The following ADAM12 variants were observed in gnomAD, a reference collection of about 807,000 sequenced individuals.
ADAM12 encodes disintegrin and metalloproteinase domain-containing protein 12.
A neutral mutation model predicts 106.4 loss-of-function variants in ADAM12; 70 were observed. That is an observed-to-expected ratio of 0.66 (90% confidence interval 0.54 to 0.80). ADAM12 has a LOEUF of 0.80. Ranked by LOEUF, ADAM12 falls within the 30% of genes least tolerant of loss-of-function variation. The probability of loss-of-function intolerance (pLI) is 0.00; values close to 1 mark genes in which losing one functional copy is unlikely to be tolerated. For missense variants in ADAM12, 1,010 were observed against 1,171.9 expected (o/e 0.86, Z 2.02); for synonymous variants, 420 against 433.5 (o/e 0.97, Z 0.39).
intron 1 of ADAM12, among the ~76,000 whole-genome samples, chr10:126,345,720 AG>A (rs1392720484): frequency 2.6e-5 from 4 of 152,142 alleles, no homozygotes; most frequent in Non-Finnish European, 5.9e-5. Context: ...TGGTCTATTC[AG>A]GGTTTCAACT....
Position 126,066,730 on chromosome 10 carries a change from C to T in ADAM12, c.1400G>A (p.Cys467Tyr). Reference protein sequence around the residue: ...PDAVCAHGLCCEDCQLKPAGT... With the variant: ...PDAVCAHGLCYEDCQLKPAGT... ...CCGGTGACTCACCTGGCAGTCTTCACAGCACAGCCCATGTGCGCACACAGC... is the reference window on the plus strand; with the variant it reads ...CCGGTGACTCACCTGGCAGTCTTCATAGCACAGCCCATGTGCGCACACAGC... The change falls in exon 13 of 23, where the codon TGT (cysteine) becomes TAT (tyrosine). Residue 467 changes from cysteine to tyrosine, a missense_variant. This residue lies in a region of ADAM12 where 615 missense variants were observed against 708.5 expected (regional missense o/e 0.87). Transcript: ENST00000448723. This position sits in a 1 kb window ranked among gnomAD's most constrained non-coding sequence, Gnocchi z 5.1. The T allele has an allele frequency of 6.2e-7, 1 of 1,614,162 alleles. No homozygotes were observed. The highest frequency in any genetic ancestry group is 1.7e-5 in the Admixed American group (1 of 60,032).
At chr10:126,109,895 C>G in intron 6 of ADAM12, 55 bp from the exon 7 acceptor site, 1 of 1,495,038 alleles carries the variant, frequency 6.7e-7, no homozygotes, top group South Asian at 1.2e-5. Flanking sequence ...GGCATTAAGA[C>G]TGTCAATGTC....
intron 5 of ADAM12, among the ~76,000 whole-genome samples, chr10:126,129,644 C>T (rs763606673): frequency 2.6e-5 from 4 of 152,146 alleles, no homozygotes; most frequent in Non-Finnish European, 5.9e-5. Context: ...AGCACTTCAC[C>T]GAAACCGTAT....
intron 3 of ADAM12, among the ~76,000 whole-genome samples, chr10:126,166,043 C>T (rs1957018196): frequency 1.3e-5 from 2 of 152,190 alleles, no homozygotes; most frequent in African/African-American, 4.8e-5. Flanking sequence ...GTTTCACAAA[C>T]TATATTAAAT....
chr10:126,382,815 A>T (rs1856540331), intron 1 of ADAM12, among the ~76,000 whole-genome samples: 1 of 152,238 alleles, frequency 6.6e-6, no homozygotes, highest in Admixed American at 6.5e-5. Context: ...ACAAGTAATG[A>T]CTAACACATT....
At chr10:126,370,096 G>A (rs965431604) in intron 1 of ADAM12, among the ~76,000 whole-genome samples, 2 of 152,198 alleles carry the variant, frequency 1.3e-5, no homozygotes, top group African/African-American at 2.4e-5. Context: ...ATTCTGCCAT[G>A]TTTCTGTGAG....
chr10:126,073,579 A>C (rs577742244), intron 11 of ADAM12, among the ~76,000 whole-genome samples: 1 of 152,098 alleles, frequency 6.6e-6, no homozygotes, highest in Non-Finnish European at 1.5e-5. Context: ...CTTTGCATCC[A>C]TATGTACTCA....
At chr10:126,040,328 A>T (rs778603210) in intron 18 of ADAM12, among the ~76,000 whole-genome samples, 2 of 152,190 alleles carry the variant, frequency 1.3e-5, no homozygotes, top group Non-Finnish European at 2.9e-5. Context: ...GGTGTACTTC[A>T]CATCAGGTAA....
At chr10:126,023,382 T>C (rs1000534766) in intron 21 of ADAM12, among the ~76,000 whole-genome samples, 11 of 151,992 alleles carry the variant, frequency 7.2e-5, no homozygotes, top group African/African-American at 2.7e-4. Flanking sequence ...GTTTTAAGTC[T>C]AAGTGAAAGC....
At chr10:126,216,746 C>A (rs530001980) in intron 3 of ADAM12, among the ~76,000 whole-genome samples, 161 of 152,342 alleles carry the variant, frequency 1.1e-3, no homozygotes, top group Middle Eastern at 6.8e-3. Flanking sequence ...AGGGAGGTGG[C>A]CTCCCTCCCT....
intron 4 of ADAM12, among the ~76,000 whole-genome samples, chr10:126,139,704 A>G (rs545160950): frequency 1.3e-5 from 2 of 152,234 alleles, no homozygotes; most frequent in South Asian, 4.2e-4. Flanking sequence ...GAAGGTTCAG[A>G]TGCAGGAGTG....
chr10:126,187,367 C>T (rs941864485), intron 3 of ADAM12, among the ~76,000 whole-genome samples: 10 of 151,844 alleles, frequency 6.6e-5, no homozygotes, highest in Non-Finnish European at 1.2e-4. Flanking sequence ...AAATACCAAG[C>T]GGCTTTTTGC....
At chr10:126,017,466 C>T (rs1316170565) in intron 22 of ADAM12, 127 bp from the exon 23 acceptor site, 2 of 832,316 alleles carry the variant, frequency 2.4e-6, no homozygotes, top group Non-Finnish European at 3.6e-6. Context: ...TACCACTGCC[C>T]CTCATAACGG....
chr10:126,115,009 C>T (rs183916210), intron 6 of ADAM12, among the ~76,000 whole-genome samples: 9 of 152,256 alleles, frequency 5.9e-5, no homozygotes, highest in East Asian at 1.9e-4. Flanking sequence ...TAAACAAATA[C>T]GATAGGCTGT....
At chr10:126,229,205 G>T (rs1958259677) in intron 3 of ADAM12, among the ~76,000 whole-genome samples, 1 of 152,130 alleles carries the variant, frequency 6.6e-6, no homozygotes, top group South Asian at 2.1e-4. Flanking sequence ...CAGGAGGTGG[G>T]CAGGGGCTTC....
In ADAM12 at chr10:126,106,483, CTTCTTT is replaced by C. The variant is rs1384163112; in HGVS notation, c.741+2104_741+2109del. 9.8e-5 allele frequency among the ~76,000 whole-genome samples: 14 copies of C among 142,514 alleles called. No individual in the cohort carries two copies. In the East Asian group the frequency reaches 1.8e-3, roughly 18 times the overall value. 93.5% of individuals were successfully genotyped at this position (142,514 alleles called of 152,430 possible). A position where few individuals can be genotyped will look rare whatever the true frequency, so the allele number is the denominator to read the frequency against. On this transcript the variant is annotated intron_variant, in intron 8 of 22. Coordinates refer to ENST00000448723, the MANE Select transcript of ADAM12 (RefSeq NM_001288973.2). ...GCCTTTATCCCTTCTTTTTCTTCTTCTTCTTTTTTTTTTTTTTTTTTGAGATGGAGT... is the reference window on the plus strand; with the variant it reads ...GCCTTTATCCCTTCTTTTTCTTCTTCTTTTTTTTTTTTTTTGAGATGGAGT...
At chr10:126,379,545 G>C (rs1200818505) in intron 1 of ADAM12, among the ~76,000 whole-genome samples, 2 of 152,090 alleles carry the variant, frequency 1.3e-5, no homozygotes, top group Non-Finnish European at 2.9e-5. Context: ...GCCTGTCAGG[G>C]GGATGGGGAG....
intron 20 of ADAM12, 58 bp downstream of exon 20, chr10:126,038,183 A>G: frequency 7.0e-7 from 1 of 1,438,668 alleles, no homozygotes; most frequent in African/African-American, 1.4e-5. Context: ...TCAGTCTCGT[A>G]TTGAAAACCT....
intron 1 of ADAM12, among the ~76,000 whole-genome samples, chr10:126,376,558 A>T (rs971074009): frequency 6.6e-6 from 1 of 152,270 alleles, no homozygotes; most frequent in Non-Finnish European, 1.5e-5. Flanking sequence ...GATATCTAGA[A>T]ATATATCTTA....
Sources: allele counts gnomAD v4.1 joint callset (sites outside exome capture counted in the v4.1 genomes callset), GRCh38; gene constraint gnomAD v4.1.1; regional missense constraint gnomAD v4.1.1; non-coding constraint Gnocchi (gnomAD v3.1); transcripts MANE v1.5; gene names NCBI Gene and HGNC (gene_info 2026-07-23, HGNC 2026-07-21).